The following SETDB2 variants were observed in gnomAD, a reference collection of about 807,000 sequenced individuals.
SETDB2 encodes SET domain bifurcated histone lysine methyltransferase 2.
In SETDB2, 56 loss-of-function variants were observed where a neutral mutation model predicts 82.5. The observed-to-expected ratio is 0.68, with a 90% CI of 0.55 to 0.85. The LOEUF (loss-of-function observed/expected upper bound fraction) is 0.85, where lower values mean the gene tolerates loss of function less well. SETDB2 is among the 40% of genes least tolerant of loss of function. The pLI is 0.00. For synonymous variants in SETDB2, 272 were observed against 284.9 expected, an observed-to-expected ratio of 0.95 and a Z score of 0.46; for missense variants, 677 against 816.4, an observed-to-expected ratio of 0.83 and a Z score of 2.08.
At position 49,451,719 on chromosome 13, in the gene SETDB2, A is replaced by G. The variant is rs574033242; in HGVS notation, c.-175A>G. The G allele has an allele frequency of 1.2e-5, 5 of 418,722 alleles. No homozygotes were observed. Among genetic ancestry groups the G allele is most frequent in the African/African-American group, 2.1e-5 (1 of 48,450 alleles). 25.9% of individuals were successfully genotyped at this position (418,722 alleles called of 1,614,324 possible). A position where few individuals can be genotyped will look rare whatever the true frequency, so the allele number is the denominator to read the frequency against. On this transcript the variant is annotated 5_prime_UTR_variant, in exon 2 of 14. Coordinates refer to ENST00000611815, the MANE Select transcript of SETDB2 (RefSeq NM_001160308.3). ...GAAAGTTTCTTCAGCCACAATTTCT[A>G]TTTGAAAATTCAAGTATCAAAGGAT...
chr13:49,483,964 A>C (rs1437164236), intron 10 of SETDB2, among the ~76,000 whole-genome samples: 1 of 151,110 alleles, frequency 6.6e-6, no homozygotes, highest in East Asian at 1.9e-4. Flanking sequence ...CCTATCCTTT[A>C]CTTAGCTCAA....
intron 1 of SETDB2, among the ~76,000 whole-genome samples, chr13:49,448,090 T>C (rs1957726153): frequency 6.6e-6 from 1 of 152,154 alleles, no homozygotes; most frequent in Admixed American, 6.5e-5. Flanking sequence ...ATAAAAATTA[T>C]CTATTCTTTG....
chr13:49,490,183 G>A (rs898188688), intron 12 of SETDB2, among the ~76,000 whole-genome samples: 1 of 146,836 alleles, frequency 6.8e-6, no homozygotes, highest in African/African-American at 2.5e-5. Flanking sequence ...GGGAGGCTGA[G>A]GCATGAGAAT....
In SETDB2 at chr13:49,470,315, A is replaced by G. The variant is rs543823243; in HGVS notation, c.305+2355A>G. Among the ~76,000 whole-genome samples the G allele has an allele frequency of 1.6e-4, 24 of 152,196 alleles. No individual in the cohort carries two copies. In the South Asian group the frequency reaches 4.8e-3, roughly 30 times the overall value. On this transcript the variant is annotated intron_variant, in intron 5 of 13. Coordinates refer to ENST00000611815, the MANE Select transcript of SETDB2 (RefSeq NM_001160308.3). Reference sequence around the variant, plus strand: ...CTGAGATCTTTTCAGATGAAGGGACATGTCTTATTAGGCTTAGGATTTTCT... The same window carrying G: ...CTGAGATCTTTTCAGATGAAGGGACGTGTCTTATTAGGCTTAGGATTTTCT...
In SETDB2 at chr13:49,476,774, T is replaced by C. The variant is rs1566169400; in HGVS notation, c.604T>C (p.Cys202Arg). The C allele has an allele frequency of 1.2e-6, 2 of 1,613,726 alleles. No individual in the cohort carries two copies. The highest frequency in any genetic ancestry group is 1.7e-6 in the Non-Finnish European group (2 of 1,179,792). ...TTTTCGTTACCTGCTTGAGACAGAG[T>C]GTAACTTTTTATTTACAGATAACTT... is the stretch of plus-strand genomic sequence containing the variant. Reference protein sequence around the residue: ...EVFRYLLETECNFLFTDNFSF... With the variant: ...EVFRYLLETERNFLFTDNFSF... Residue 202 changes from cysteine (C) to arginine (R), a missense_variant, in exon 6 of 14, where the codon TGT (cysteine) becomes CGT (arginine). Cys to Arg is a radical substitution (Grantham distance 180). Around this residue, in one of 3 missense-constraint regions of SETDB2, gnomAD observed 243 missense variants for 237.2 expected, o/e 1.02. Coordinates refer to ENST00000611815, the MANE Select transcript of SETDB2 (RefSeq NM_001160308.3).
At position 49,482,941 on chromosome 13, in the gene SETDB2, A is replaced by C. The variant is rs754224396; in HGVS notation, c.1361A>C (p.Asn454Thr). ...KTEKCPPKFS[N>T]NPKELTVETK... ...GAGAAATGTCCACCAAAGTTCAGTA[A>C]TAATCCCAAGGAGCTTACTGTGTAA... The change falls in exon 9 of 14, where the codon AAT becomes ACT. Residue 454 changes from asparagine (N) to threonine (T), a missense_variant. By Grantham distance (65) the Asn-to-Thr change is moderately conservative. This residue lies in a region of SETDB2 where 420 missense variants were observed against 554.6 expected (regional missense o/e 0.76). Coordinates refer to ENST00000611815, the MANE Select transcript of SETDB2 (RefSeq NM_001160308.3). 1 of 1,611,574 alleles carries C rather than the reference A, an allele frequency of 6.2e-7. No homozygotes were observed. Among genetic ancestry groups the C allele is most frequent in the South Asian group, 1.1e-5 (1 of 90,496 alleles).
intron 3 of SETDB2, among the ~76,000 whole-genome samples, chr13:49,460,519 T>G (rs1380513021): frequency 3.3e-5 from 5 of 152,186 alleles, no homozygotes; most frequent in Non-Finnish European, 5.9e-5. Flanking sequence ...AACTAGTTTT[T>G]TCATATGTAT....
chr13:49,460,984 A>G (rs1182283360), intron 3 of SETDB2, 113 bp from the exon 4 acceptor site: 1 of 747,498 alleles, frequency 1.3e-6, no homozygotes. Flanking sequence ...AGTCCTATTA[A>G]CCTCTCAGAG....
intron 4 of SETDB2, among the ~76,000 whole-genome samples, chr13:49,463,780 A>G (rs867498230): frequency 2.6e-5 from 4 of 152,174 alleles, no homozygotes; most frequent in South Asian, 4.1e-4. Flanking sequence ...GAGAACAGGA[A>G]TCTATACACT....
In SETDB2 at chr13:49,493,677, T is replaced by G. The variant is rs951212361; in HGVS notation, c.*1828T>G. The G allele has an allele frequency of 6.6e-6, 1 of 152,228 alleles. No individual in the cohort carries two copies. 9.4% of individuals were successfully genotyped at this position (152,228 alleles called of 1,614,324 possible). On this transcript the variant is annotated 3_prime_UTR_variant, in exon 14 of 14. Transcript: ENST00000611815. The stretch of plus-strand genomic sequence containing the variant: ...TTTGACAATGTCTTTATTTTACCCT[T>G]ATACCTGATTGCTGTTTTGGTTGGC...
At chr13:49,447,690 T>C (rs1463763487) in intron 1 of SETDB2, among the ~76,000 whole-genome samples, 1 of 152,148 alleles carries the variant, frequency 6.6e-6, no homozygotes, top group African/African-American at 2.4e-5. Context: ...GATAAACTTT[T>C]CATGTTAAAC....
At chr13:49,453,710 C>G (rs9562880) in intron 2 of SETDB2, among the ~76,000 whole-genome samples, 1 of 152,050 alleles carries the variant, frequency 6.6e-6, no homozygotes, top group African/African-American at 2.4e-5. Context: ...AGATTGCTCT[C>G]GTATATTTCT....
At position 49,444,368 on chromosome 13, in the gene SETDB2, A is replaced by AG. The variant is rs528961713; in HGVS notation, c.-828dup. 13 of 208,450 alleles carry AG rather than the reference A, an allele frequency of 6.2e-5. No individual in the cohort carries two copies. The highest frequency in any genetic ancestry group is 4.8e-4 in the Admixed American group (9 of 18,758). 12.9% of individuals were successfully genotyped at this position (208,450 alleles called of 1,614,324 possible). On this transcript the variant is annotated 5_prime_UTR_variant, in exon 1 of 14. It introduces an in-frame stop codon into an upstream open reading frame of the 5' UTR. Transcript: ENST00000611815. ...AAATGGTGAAGTACTTCCCGGCCAG[A>AG]GGGCACCTGCGCTCGGGAGGTTTGG...
chr13:49,464,399 T>C (rs1958059611), intron 4 of SETDB2, among the ~76,000 whole-genome samples: 1 of 152,206 alleles, frequency 6.6e-6, no homozygotes, highest in Non-Finnish European at 1.5e-5. Context: ...TGTTACTATA[T>C]CTCATCTGGA....
At chr13:49,481,200 A>G (rs766630099) in intron 8 of SETDB2, 84 bp downstream of exon 8, 3 of 1,277,922 alleles carry the variant, frequency 2.3e-6, no homozygotes, top group Non-Finnish European at 3.3e-6. Flanking sequence ...GGCTGTTGAG[A>G]GCTTACAGCA....
chr13:49,470,042 A>T (rs1379879877), intron 5 of SETDB2, among the ~76,000 whole-genome samples: 1 of 152,138 alleles, frequency 6.6e-6, no homozygotes, highest in Non-Finnish European at 1.5e-5. Context: ...GCTTTGTGAT[A>T]CTTTTCTTAC....
At chr13:49,481,420 TA>T (rs1173436406) in intron 8 of SETDB2, among the ~76,000 whole-genome samples, 4 of 151,336 alleles carry the variant, frequency 2.6e-5, no homozygotes, top group African/African-American at 9.7e-5. Context: ...GGTAAGGGAA[TA>T]AAACTTGTTA....
intron 2 of SETDB2, among the ~76,000 whole-genome samples, chr13:49,457,023 A>C (rs1050059277): frequency 4.6e-5 from 7 of 152,194 alleles, no homozygotes; most frequent in African/African-American, 1.7e-4. Context: ...GCTTAGTTAC[A>C]TTCATTTATT....
intron 8 of SETDB2, 39 bp from the exon 9 acceptor site, chr13:49,482,698 C>T (rs990403992): frequency 7.6e-7 from 1 of 1,316,946 alleles, no homozygotes; most frequent in Admixed American, 1.8e-5. Flanking sequence ...TAGCAATTAT[C>T]TTCTGTGTTG....
Sources: gnomAD v4.1 joint callset for allele counts (sites outside exome capture counted in the v4.1 genomes callset) on GRCh38, gnomAD v4.1.1 for gene constraint, gnomAD v4.1.1 regional missense constraint, MANE v1.5 for transcripts, NCBI Gene and HGNC (gene_info 2026-07-23, HGNC 2026-07-21) for gene names.